PARD3: variants seen among roughly 807,000 people sequenced by gnomAD.
The protein encoded by PARD3 is partitioning defective 3 homolog.
A neutral mutation model predicts 155.4 loss-of-function variants in PARD3; 75 were observed. The observed-to-expected ratio is 0.48, with a 90% confidence interval of 0.40 to 0.58. The LOEUF is 0.58. Ranked by LOEUF, PARD3 falls within the 20% of genes least tolerant of loss-of-function variation. The probability of loss-of-function intolerance (pLI) is 0.00; values close to 1 mark genes in which losing one functional copy is unlikely to be tolerated. For missense variants in PARD3, 1,642 were observed against 1,721.7 expected (o/e 0.95, Z 0.82); for synonymous variants, 576 against 610.5 (o/e 0.94, Z 0.83).
At chr10:34,179,487 C>G (rs1306818899) in intron 22 of PARD3, among the ~76,000 whole-genome samples, 1 of 152,136 alleles carries the variant, frequency 6.6e-6, no homozygotes, top group Admixed American at 6.5e-5. Flanking sequence ...TGTAAACATA[C>G]CACTTAAATA....
intron 2 of PARD3, among the ~76,000 whole-genome samples, chr10:34,518,387 G>C (rs1410963933): frequency 6.6e-6 from 1 of 152,098 alleles, no homozygotes; most frequent in Admixed American, 6.5e-5. Flanking sequence ...AATGAACAAG[G>C]GCTCCTTGAA....
chr10:34,801,276 G>C (rs1348095929), intron 1 of PARD3, among the ~76,000 whole-genome samples: 2 of 152,104 alleles, frequency 1.3e-5, no homozygotes, highest in African/African-American at 2.4e-5. Flanking sequence ...ATACAGGAAG[G>C]GATCAGAGTC....
intron 8 of PARD3, among the ~76,000 whole-genome samples, chr10:34,383,424 T>C (rs1842052811): frequency 6.9e-6 from 1 of 145,966 alleles, no homozygotes; most frequent in South Asian, 2.2e-4. Context: ...TAGAAGACTA[T>C]AGAAAGTAAC....
At chr10:34,695,080 T>C (rs963562023) in intron 2 of PARD3, among the ~76,000 whole-genome samples, 10 of 146,522 alleles carry the variant, frequency 6.8e-5, no homozygotes, top group Non-Finnish European at 1.5e-4. Context: ...CAGGGAGGTT[T>C]TAGGAGACAG....
Position 34,517,153 on chromosome 10 carries a change from C to T in PARD3, c.229G>A (p.Ala77Thr). ...TGTGGATCCTGCTCATCAAACACTG[C>T]TACCAGCTAGAAATGAAAGGTAAAT... is the stretch of plus-strand genomic sequence containing the variant. ...DVADDKDRLV[A>T]VFDEQDPHHG... Residue 77 changes from alanine to threonine, a missense_variant, in exon 3 of 25, where the codon GCA becomes ACA. Transcript: ENST00000374788. 6.2e-7 allele frequency: 1 copy of T among 1,612,782 alleles called. No homozygotes were observed. Among genetic ancestry groups the T allele is most frequent in the Non-Finnish European group, 8.5e-7 (1 of 1,179,454 alleles).
intron 1 of PARD3, among the ~76,000 whole-genome samples, chr10:34,802,105 C>A (rs532359437): frequency 1.3e-5 from 2 of 152,018 alleles, no homozygotes; most frequent in African/African-American, 4.8e-5. Flanking sequence ...AGCAGTGTTG[C>A]GGCTGCAATT....
chr10:34,397,717 C>A (rs571181428), intron 7 of PARD3, among the ~76,000 whole-genome samples: 1 of 152,224 alleles, frequency 6.6e-6, no homozygotes, highest in East Asian at 1.9e-4. Context: ...GTAGAAAATA[C>A]ACAATAAACG....
intron 1 of PARD3, among the ~76,000 whole-genome samples, chr10:34,735,090 A>C (rs1477195998): frequency 2.0e-5 from 3 of 152,166 alleles, no homozygotes; most frequent in African/African-American, 7.2e-5. Context: ...CCTGGTGCTA[A>C]GGGAAATTAA....
chr10:34,415,087 G>C (rs964139318), intron 5 of PARD3, among the ~76,000 whole-genome samples: 4 of 152,146 alleles, frequency 2.6e-5, no homozygotes, highest in African/African-American at 9.7e-5. Context: ...CCAACTTCTG[G>C]AGGAATAACC....
At chr10:34,317,994 T>A (rs61842462) in intron 19 of PARD3, among the ~76,000 whole-genome samples, 11,246 of 152,256 alleles carry the variant, frequency 0.074, 570 homozygotes, top group Non-Finnish European at 0.1. Context: ...TGCATGCCTA[T>A]CTGCATCATG....
At chr10:34,800,167 C>G (rs1190487984) in intron 1 of PARD3, among the ~76,000 whole-genome samples, 1 of 151,344 alleles carries the variant, frequency 6.6e-6, no homozygotes, top group Non-Finnish European at 1.5e-5. Flanking sequence ...TTCTTATCCT[C>G]TCTAGCCCAA....
intron 1 of PARD3, among the ~76,000 whole-genome samples, chr10:34,793,043 G>A (rs1199780739): frequency 1.3e-5 from 2 of 152,244 alleles, no homozygotes; most frequent in Non-Finnish European, 2.9e-5. Flanking sequence ...GGCTGCAGCA[G>A]GGACTGCAGG....
intron 1 of PARD3, among the ~76,000 whole-genome samples, chr10:34,792,979 C>G (rs1841849718): frequency 6.6e-6 from 1 of 152,232 alleles, no homozygotes; most frequent in Non-Finnish European, 1.5e-5. Flanking sequence ...ACTTTTGCAT[C>G]TCCCTGGGTT....
At chr10:34,238,530 C>T (rs1953379449) in intron 22 of PARD3, among the ~76,000 whole-genome samples, 1 of 151,916 alleles carries the variant, frequency 6.6e-6, no homozygotes, top group African/African-American at 2.4e-5. Flanking sequence ...CATAGGGGTC[C>T]CAGACAAAGA....
chr10:34,457,337 C>A (rs2077390837), intron 4 of PARD3, among the ~76,000 whole-genome samples: 1 of 152,208 alleles, frequency 6.6e-6, no homozygotes, highest in Non-Finnish European at 1.5e-5. Context: ...CAAAACTCAA[C>A]CACATCCAGG....
chr10:34,307,795 T>C (rs978550531), intron 20 of PARD3, among the ~76,000 whole-genome samples: 1 of 152,182 alleles, frequency 6.6e-6, no homozygotes, highest in African/African-American at 2.4e-5. Flanking sequence ...GGACGCATCA[T>C]GCAGTCTGCC....
intron 19 of PARD3, among the ~76,000 whole-genome samples, chr10:34,320,894 C>T (rs549809257): frequency 6.6e-6 from 1 of 152,150 alleles, no homozygotes; most frequent in Non-Finnish European, 1.5e-5. Context: ...ACTGATTTAA[C>T]TAATCCCTTT....
chr10:34,365,637 G>A lies in PARD3; in HGVS notation c.1708-5378C>T, dbSNP rs535635908. 3.8e-3 allele frequency among the ~76,000 whole-genome samples: 574 copies of A among 152,306 alleles called. 6 individuals are homozygous for A. Among genetic ancestry groups the A allele is most frequent in the African/African-American group, 0.013 (522 of 41,566 alleles). ...GGAGTCTCGCTCTGTTGCCCAGGCT[G>A]AAGTGCAGTGGTATGATCTCAACTC... On this transcript the variant is annotated intron_variant, in intron 12 of 24. Transcript: ENST00000374788.
At chr10:34,525,610 A>G (rs1353304321) in intron 2 of PARD3, among the ~76,000 whole-genome samples, 1 of 152,212 alleles carries the variant, frequency 6.6e-6, no homozygotes, top group Non-Finnish European at 1.5e-5. Flanking sequence ...TTGACAATTC[A>G]TATGTTTACG....
Sources: gnomAD v4.1 joint callset for allele counts (sites outside exome capture counted in the v4.1 genomes callset) on GRCh38, gnomAD v4.1.1 for gene constraint, MANE v1.5 for transcripts, NCBI Gene and HGNC (gene_info 2026-07-23, HGNC 2026-07-21) for gene names.